SATB1: variants seen among roughly 807,000 people sequenced by gnomAD.
SATB1 encodes the protein DNA-binding protein SATB1.
In SATB1, 11 loss-of-function variants were observed where a neutral mutation model predicts 86.9. The observed-to-expected ratio is 0.13, with a 90% CI of 0.08 to 0.21. The LOEUF (loss-of-function observed/expected upper bound fraction) is 0.21. Among genes scored for constraint, SATB1 ranks in the 10% least tolerant of loss-of-function variants. The pLI, the probability that SATB1 is intolerant of heterozygous loss-of-function variation, is 1.00. For missense variants in SATB1, 551 were observed against 937.6 expected, an observed-to-expected ratio of 0.59 and a Z score of 5.39; for synonymous variants, 357 against 357.2, an observed-to-expected ratio of 1.00 and a Z score of 0.01.
chr3:18,364,521 T>C (rs1304450563), intron 9 of SATB1, among the ~76,000 whole-genome samples: 5 of 152,126 alleles, frequency 3.3e-5, no homozygotes, highest in South Asian at 2.1e-4. Flanking sequence ...GTTGCCTATA[T>C]TGATAATTGA....
chr3:18,356,419 G>A (rs1253128516), intron 9 of SATB1, among the ~76,000 whole-genome samples: 91 of 122,074 alleles, frequency 7.5e-4, no homozygotes, highest in South Asian at 1.7e-3. Context: ...ATGTAAGATT[G>A]AAAAAAAAAA....
rs998754637 is a variant in SATB1, at chr3:18,346,671, T to A, written c.*2499A>T. The stretch of plus-strand genomic sequence containing the variant: ...GCTGACTTTTAAAAGTTAAAAAATC[T>A]AAGTGGGAATTTTGTTAGCATTGTT... On this transcript the variant is annotated 3_prime_UTR_variant, in exon 11 of 11. Transcript: ENST00000338745. 1.3e-5 allele frequency: 2 copies of A among 152,112 alleles called. No individual in the cohort carries two copies. 9.4% of individuals were successfully genotyped at this position (152,112 alleles called of 1,614,324 possible). A position where few individuals can be genotyped will look rare whatever the true frequency, so the allele number is the denominator to read the frequency against.
At chr3:18,384,458 GT>G (rs11293987) in intron 8 of SATB1, among the ~76,000 whole-genome samples, 145,844 of 147,666 alleles carry the variant, frequency 0.99, 72,027 homozygotes, top group East Asian at 1. Flanking sequence ...CTGGCTAGAT[GT>G]TTTTTTTTTT....
intron 2 of SATB1, chr3:18,435,058 G>A (rs1430768407): frequency 6.6e-6 from 1 of 152,070 alleles, no homozygotes; most frequent in Non-Finnish European, 1.5e-5. Flanking sequence ...GCATGGGGCA[G>A]AATACCAATA....
intron 9 of SATB1, among the ~76,000 whole-genome samples, chr3:18,362,990 A>G (rs1273889093): frequency 6.6e-6 from 1 of 151,902 alleles, no homozygotes; most frequent in African/African-American, 2.4e-5. Flanking sequence ...TACCAGGTTG[A>G]TTTGGATAAA....
chr3:18,365,192 AAC>A (rs1695123379), intron 9 of SATB1, among the ~76,000 whole-genome samples: 1 of 152,198 alleles, frequency 6.6e-6, no homozygotes, highest in South Asian at 2.1e-4. Context: ...TCCTGTTACA[AAC>A]ACAGAGATTG....
At chr3:18,359,246 G>T (rs1694795159) in intron 9 of SATB1, among the ~76,000 whole-genome samples, 1 of 151,832 alleles carries the variant, frequency 6.6e-6, no homozygotes, top group Non-Finnish European at 1.5e-5. Flanking sequence ...AAATCATTTG[G>T]TCCATAACAA....
chr3:18,358,749 AAAT>A (rs1201635027), intron 9 of SATB1, among the ~76,000 whole-genome samples: 4 of 152,008 alleles, frequency 2.6e-5, no homozygotes, highest in Non-Finnish European at 4.4e-5. Flanking sequence ...TGAAAGAAAA[AAAT>A]AATAATAATC....
intron 2 of SATB1, among the ~76,000 whole-genome samples, chr3:18,433,393 T>TA (rs1196089918): frequency 1.3e-5 from 2 of 152,054 alleles, no homozygotes; most frequent in Non-Finnish European, 2.9e-5. Context: ...AAATTTTGTT[T>TA]AAAAAAACGC....
At chr3:18,440,970 A>T (rs1699227903), upstream of SATB1, among the ~76,000 whole-genome samples, 1 of 152,192 alleles carries the variant, frequency 6.6e-6, no homozygotes, top group South Asian at 2.1e-4. Flanking sequence ...TTTACTCGAG[A>T]TAGTCCTCAT....
intron 5 of SATB1, among the ~76,000 whole-genome samples, chr3:18,401,353 T>C (rs1001244366): frequency 6.6e-6 from 1 of 152,128 alleles, no homozygotes; most frequent in Admixed American, 6.6e-5. Context: ...GTGATAGAAA[T>C]CATAGTTTCA....
intron 9 of SATB1, among the ~76,000 whole-genome samples, chr3:18,377,196 A>C (rs1311358826): frequency 6.6e-6 from 1 of 152,226 alleles, no homozygotes; most frequent in Non-Finnish European, 1.5e-5. Flanking sequence ...TGTGTATTTC[A>C]TCAGAAGTTG....
intron 2 of SATB1, among the ~76,000 whole-genome samples, chr3:18,431,099 A>G (rs1023956731): frequency 6.6e-6 from 1 of 152,156 alleles, no homozygotes; most frequent in African/African-American, 2.4e-5. Flanking sequence ...CGGTGGTAAT[A>G]ATTCCACCAA....
chr3:18,352,762 G>C lies in SATB1; in HGVS notation c.1576-567C>G, dbSNP rs2125129948. 6.5e-6 allele frequency: 1 copy of C among 153,132 alleles called. No individual in the cohort carries two copies. Among genetic ancestry groups the C allele is most frequent in the South Asian group, 2.1e-4 (1 of 4,878 alleles). 9.5% of individuals were successfully genotyped at this position (153,132 alleles called of 1,614,324 possible). A position where few individuals can be genotyped will look rare whatever the true frequency, so the allele number is the denominator to read the frequency against. ...CATAATGATTAGAATGGGCATTACA[G>C]GAATTTGCTATGAAAGAACTCTCCA... On this transcript the variant is annotated intron_variant, in intron 9 of 10. Coordinates refer to ENST00000338745, the MANE Select transcript of SATB1 (RefSeq NM_002971.6). This position sits in a 1 kb window ranked among gnomAD's most constrained non-coding sequence, Gnocchi z 4.1.
At chr3:18,441,641 G>T (rs1699246766), upstream of SATB1, among the ~76,000 whole-genome samples, 1 of 152,146 alleles carries the variant, frequency 6.6e-6, no homozygotes, top group African/African-American at 2.4e-5. Context: ...CCACTAGAGT[G>T]CTTTATAGAG....
At chr3:18,370,365 T>C (rs1173676346) in intron 9 of SATB1, among the ~76,000 whole-genome samples, 3 of 151,878 alleles carry the variant, frequency 2.0e-5, no homozygotes, top group Non-Finnish European at 4.4e-5. Context: ...AATTCCCCTT[T>C]CCCTCTGTTA....
chr3:18,431,589 AAGGTGATTCTCAT>A (rs1698892977), intron 2 of SATB1, among the ~76,000 whole-genome samples: 1 of 152,178 alleles, frequency 6.6e-6, no homozygotes, highest in African/African-American at 2.4e-5. Context: ...TAAAGCTCTC[AAGGTGATTCTCAT>A]ATACAGCCAG....
At chr3:18,434,321 T>C (rs932213985) in intron 2 of SATB1, among the ~76,000 whole-genome samples, 1 of 152,068 alleles carries the variant, frequency 6.6e-6, no homozygotes, top group Non-Finnish European at 1.5e-5. Context: ...AAACCAAATC[T>C]TGTGGCATTC....
intron 2 of SATB1, among the ~76,000 whole-genome samples, chr3:18,418,075 G>A (rs1284803312): frequency 1.3e-5 from 2 of 152,126 alleles, no homozygotes; most frequent in African/African-American, 4.8e-5. Flanking sequence ...AAAAGCAGAT[G>A]CATCTGAATT....
Sources: allele counts gnomAD v4.1 joint callset (sites outside exome capture counted in the v4.1 genomes callset), GRCh38; gene constraint gnomAD v4.1.1; non-coding constraint Gnocchi (gnomAD v3.1); transcripts MANE v1.5; gene names NCBI Gene and HGNC (gene_info 2026-07-23, HGNC 2026-07-21).